KLF7: variants seen among roughly 807,000 people sequenced by gnomAD.
KLF7 encodes KLF transcription factor 7.
KLF7 carries 2 observed loss-of-function variants against 27.3 expected under a neutral mutation model. The observed-to-expected ratio is 0.07, with a 90% CI of 0.03 to 0.23. The LOEUF is 0.23. KLF7 is among the 10% of genes least tolerant of loss of function. The pLI is 1.00. For missense variants in KLF7, 221 were observed against 394.1 expected, an observed-to-expected ratio of 0.56 and a Z score of 3.72; for synonymous variants, 165 against 162.4, an observed-to-expected ratio of 1.02 and a Z score of -0.12.
At chr2:207,167,036 G>T, upstream of KLF7, 3 of 1,049,898 alleles carry the variant, frequency 2.9e-6, no homozygotes, top group Non-Finnish European at 3.7e-6. Flanking sequence ...CAAGGGGCCT[G>T]TTGCTCGACT....
rs1195756441 is a variant in KLF7, at chr2:207,165,512, G to A, written c.57C>T (p.Thr19=). The A allele has an allele frequency of 1.2e-6, 2 of 1,614,036 alleles. No individual in the cohort carries two copies. Among genetic ancestry groups the A allele is most frequent in the Middle Eastern group, 1.6e-4 (1 of 6,062 alleles). ...GGGATGGTAAAGCTGAGAAGTAGCC[G>A]GTGTCGTGGACAAGTTGTAGCTCCT... ...IFQELQLVHD[T]GYFSALPSLE... Residue 19 remains threonine (T), a synonymous_variant, in exon 1 of 4, where the codon ACC becomes ACT. Coordinates refer to ENST00000309446, the MANE Select transcript of KLF7 (RefSeq NM_003709.4).
chr2:207,167,219 T>C (rs938251934), upstream of KLF7: 3 of 1,266,240 alleles, frequency 2.4e-6, 1 homozygote, highest in South Asian at 5.7e-5. Context: ...GGAGTTGGGA[T>C]GTAGACATAG....
intron 3 of KLF7, 118 bp downstream of exon 3, chr2:207,088,340 C>T: frequency 8.2e-7 from 1 of 1,217,988 alleles, no homozygotes. Flanking sequence ...AAGGCATTCC[C>T]AGGTCCAAGT....
intron 1 of KLF7, among the ~76,000 whole-genome samples, chr2:207,163,761 G>A (rs1159629766): frequency 6.6e-6 from 1 of 152,222 alleles, no homozygotes; most frequent in African/African-American, 2.4e-5. Flanking sequence ...TCTCTAACCT[G>A]TCTAGACAGT....
At chr2:207,114,356 G>C (rs2077120560) in intron 2 of KLF7, among the ~76,000 whole-genome samples, 1 of 152,200 alleles carries the variant, frequency 6.6e-6, no homozygotes, top group East Asian at 1.9e-4. Flanking sequence ...TACAGGTGAA[G>C]GATGTTGCAT....
intron 1 of KLF7, among the ~76,000 whole-genome samples, chr2:207,140,854 T>G (rs2077921993): frequency 6.6e-6 from 1 of 152,184 alleles, no homozygotes; most frequent in African/African-American, 2.4e-5. Flanking sequence ...AGTATCTCAT[T>G]GTAAAGGGTA....
At chr2:207,144,026 TG>T (rs1303700212) in intron 1 of KLF7, among the ~76,000 whole-genome samples, 3 of 151,966 alleles carry the variant, frequency 2.0e-5, no homozygotes, top group Non-Finnish European at 2.9e-5. Context: ...AGGGGCAGGC[TG>T]GCTCCAGGGG....
rs145640759 is a variant in KLF7, at chr2:207,106,359, T to C, written c.733+17415A>G. Among the ~76,000 whole-genome samples the C allele has an allele frequency of 3.2e-3, 492 of 152,338 alleles. 1 individual carries two copies. The highest frequency in any genetic ancestry group is 0.011 in the African/African-American group (476 of 41,574). ...CTACAACTGCCAAGGAGAAAGAAGATAGTGCCTGAAACACAAATGACTCTG... is the reference window on the plus strand; with the variant it reads ...CTACAACTGCCAAGGAGAAAGAAGACAGTGCCTGAAACACAAATGACTCTG... On this transcript the variant is annotated intron_variant, in intron 2 of 3. Coordinates refer to ENST00000309446, the MANE Select transcript of KLF7 (RefSeq NM_003709.4).
intron 2 of KLF7, among the ~76,000 whole-genome samples, chr2:207,117,677 A>C (rs1043882723): frequency 6.6e-6 from 1 of 152,208 alleles, no homozygotes; most frequent in Non-Finnish European, 1.5e-5. Context: ...ACAGTTCCAC[A>C]CTGAGGTATT....
upstream of KLF7, among the ~76,000 whole-genome samples, chr2:207,170,534 G>A (rs1341807843): frequency 1.3e-5 from 2 of 152,172 alleles, no homozygotes; most frequent in Non-Finnish European, 1.5e-5. Context: ...CATAGCTAGA[G>A]GAAGAAAGCA....
chr2:207,167,098 A>T (rs958124509), upstream of KLF7: 2 of 1,400,134 alleles, frequency 1.4e-6, no homozygotes, highest in Non-Finnish European at 1.9e-6. Flanking sequence ...CGCAAGCTGG[A>T]GCCGGCAGCT....
At chr2:207,116,574 C>T (rs1257655551) in intron 2 of KLF7, among the ~76,000 whole-genome samples, 1 of 152,132 alleles carries the variant, frequency 6.6e-6, no homozygotes, top group African/African-American at 2.4e-5. Context: ...TTCCTTGAAC[C>T]TTCCTATATT....
At chr2:207,092,238 T>C (rs372039359) in intron 2 of KLF7, among the ~76,000 whole-genome samples, 9 of 152,334 alleles carry the variant, frequency 5.9e-5, no homozygotes, top group African/African-American at 2.2e-4. Flanking sequence ...GAGTGGTCTA[T>C]GTGAGACAGG....
intron 3 of KLF7, among the ~76,000 whole-genome samples, chr2:207,084,791 T>C (rs568711700): frequency 5.3e-5 from 8 of 152,266 alleles, no homozygotes; most frequent in African/African-American, 1.7e-4. Flanking sequence ...TGACCTTAAA[T>C]AAGAAGGTCC....
At chr2:207,157,848 G>A (rs546576013) in intron 1 of KLF7, among the ~76,000 whole-genome samples, 20 of 152,210 alleles carry the variant, frequency 1.3e-4, no homozygotes, top group Non-Finnish European at 2.4e-4. Flanking sequence ...TGACTAGAAT[G>A]TCAAACCTAG....
chr2:207,136,948 A>T (rs925277553), intron 1 of KLF7, among the ~76,000 whole-genome samples: 11 of 152,170 alleles, frequency 7.2e-5, no homozygotes, highest in African/African-American at 2.7e-4. Context: ...AGCCAAATGG[A>T]GCCTCTTTTC....
chr2:207,130,734 A>C (rs906827134), intron 1 of KLF7, among the ~76,000 whole-genome samples: 2 of 152,226 alleles, frequency 1.3e-5, no homozygotes, highest in Non-Finnish European at 2.9e-5. Flanking sequence ...TGTGTCTTTT[A>C]ATTTGAACAT....
chr2:207,118,864 C>T (rs1243198033), intron 2 of KLF7, among the ~76,000 whole-genome samples: 1 of 152,122 alleles, frequency 6.6e-6, no homozygotes, highest in African/African-American at 2.4e-5. Context: ...TTCTGTTTGC[C>T]TTTTGAATGC....
At chr2:207,121,684 G>A (rs2077345003) in intron 2 of KLF7, 1 of 152,164 alleles carries the variant, frequency 6.6e-6, no homozygotes. Context: ...TCCAACATGA[G>A]GCAAGTAGTT....
Sources: gnomAD v4.1 joint callset for allele counts (sites outside exome capture counted in the v4.1 genomes callset) on GRCh38, gnomAD v4.1.1 for gene constraint, MANE v1.5 for transcripts, NCBI Gene and HGNC (gene_info 2026-07-23, HGNC 2026-07-21) for gene names.